ARHGAP5: variants seen among roughly 807,000 people sequenced by gnomAD.
The protein encoded by ARHGAP5 is Rho GTPase activating protein 5.
ARHGAP5 carries 23 observed loss-of-function variants against 116.6 expected under a neutral mutation model. The ratio of observed to expected loss-of-function variants is 0.20; its 90% CI spans 0.14 to 0.28. The LOEUF (loss-of-function observed/expected upper bound fraction) is 0.28, where lower values mean the gene tolerates loss of function less well. ARHGAP5 is among the 10% of genes least tolerant of loss of function. ARHGAP5 has a pLI of 1.00. For synonymous variants in ARHGAP5, 574 were observed against 602.0 expected (o/e 0.95, Z 0.68); for missense variants, 1,405 against 1,774.8 (o/e 0.79, Z 3.74).
intron 3 of ARHGAP5, among the ~76,000 whole-genome samples, chr14:32,143,207 T>C (rs1467818602): frequency 3.0e-5 from 4 of 134,340 alleles, no homozygotes; most frequent in African/African-American, 1.3e-4. Context: ...ATTTTAGTTG[T>C]TGTTGTTGTT....
intron 2 of ARHGAP5, among the ~76,000 whole-genome samples, chr14:32,106,490 T>G (rs570263842): frequency 6.6e-6 from 1 of 152,322 alleles, no homozygotes; most frequent in Admixed American, 6.5e-5. Context: ...CACCAATATT[T>G]GTGGTGCAGC....
intron 1 of ARHGAP5, among the ~76,000 whole-genome samples, chr14:32,085,295 T>G (rs1197090559): frequency 6.6e-6 from 1 of 151,928 alleles, no homozygotes; most frequent in African/African-American, 2.4e-5. Flanking sequence ...AAATAATTTT[T>G]AAATATTAGC....
intron 3 of ARHGAP5, among the ~76,000 whole-genome samples, chr14:32,145,583 C>A (rs781713703): frequency 7.9e-5 from 12 of 152,104 alleles, no homozygotes; most frequent in African/African-American, 2.4e-4. Flanking sequence ...CCTCTGCCTG[C>A]CCCCTCAAAA....
chr14:32,134,761 GTTTGTCT>G (rs1419849600), intron 3 of ARHGAP5, among the ~76,000 whole-genome samples: 1 of 152,126 alleles, frequency 6.6e-6, no homozygotes, highest in Non-Finnish European at 1.5e-5. Context: ...GTCTTCATGT[GTTTGTCT>G]TTTGCTTATC....
intron 2 of ARHGAP5, among the ~76,000 whole-genome samples, chr14:32,101,394 T>A (rs1878782775): frequency 1.3e-5 from 2 of 152,232 alleles, no homozygotes; most frequent in Admixed American, 1.3e-4. Flanking sequence ...ATTAATATAG[T>A]AAATCTTAGG....
chr14:32,152,687 G>T (rs965056237), intron 6 of ARHGAP5, among the ~76,000 whole-genome samples, 159 bp downstream of exon 6: 1 of 152,154 alleles, frequency 6.6e-6, no homozygotes, highest in Non-Finnish European at 1.5e-5. Context: ...AAAGATATAT[G>T]ATTAGTTTTG....
At chr14:32,118,342 C>T (rs1212573791) in intron 3 of ARHGAP5, among the ~76,000 whole-genome samples, 3 of 151,836 alleles carry the variant, frequency 2.0e-5, no homozygotes, top group Non-Finnish European at 2.9e-5. Flanking sequence ...ACTAAAAATA[C>T]AAAAATTATC....
Position 32,094,112 on chromosome 14 carries a change from G to A in ARHGAP5, c.3443G>A (p.Arg1148Gln), listed in dbSNP as rs374422184. ...SDRTSKSHGE[R>Q]RPSKYKYKSK... ...AGAACCTCAAAAAGTCATGGGGAAC[G>A]GAGGCCTTCAAAATACAAATATAAA... The change falls in exon 2 of 7, where the codon CGG becomes CAG. Residue 1148 changes from arginine to glutamine, a missense_variant. Physicochemically the swap from Arg to Gln is conservative, Grantham distance 43. Transcript: ENST00000345122. 2.8e-5 allele frequency: 45 copies of A among 1,613,906 alleles called. No homozygotes were observed. Among genetic ancestry groups the A allele is most frequent in the Non-Finnish European group, 3.5e-5 (41 of 1,180,002 alleles).
intron 4 of ARHGAP5, among the ~76,000 whole-genome samples, chr14:32,147,069 G>A (rs1048454197): frequency 1.2e-4 from 18 of 151,994 alleles, no homozygotes; most frequent in African/African-American, 3.4e-4. Context: ...ATGATTGATC[G>A]GCATCTTAGC....
At chr14:32,105,290 C>T (rs1642578758) in intron 2 of ARHGAP5, among the ~76,000 whole-genome samples, 1 of 152,124 alleles carries the variant, frequency 6.6e-6, no homozygotes, top group Non-Finnish European at 1.5e-5. Context: ...TGGGCCAGAG[C>T]TACATGCTAT....
intron 2 of ARHGAP5, among the ~76,000 whole-genome samples, chr14:32,100,150 G>T (rs1878724576): frequency 6.6e-6 from 1 of 152,166 alleles, no homozygotes; most frequent in Non-Finnish European, 1.5e-5. Flanking sequence ...ACAAACTGCA[G>T]ATTGAAAATA....
chr14:32,150,384 T>TG, intron 5 of ARHGAP5, among the ~76,000 whole-genome samples: 1 of 152,236 alleles, frequency 6.6e-6, no homozygotes, highest in Non-Finnish European at 1.5e-5. Context: ...ACTTTGGCTT[T>TG]GTCTTACCTG....
chr14:32,131,462 A>C (rs1353849864), intron 3 of ARHGAP5, among the ~76,000 whole-genome samples: 2 of 152,166 alleles, frequency 1.3e-5, no homozygotes, highest in Non-Finnish European at 2.9e-5. Context: ...GAACTTTTGC[A>C]TTTGGAAAAA....
intron 1 of ARHGAP5, among the ~76,000 whole-genome samples, chr14:32,084,986 G>A (rs1244170332): frequency 6.6e-6 from 1 of 151,500 alleles, no homozygotes; most frequent in African/African-American, 2.4e-5. Flanking sequence ...TCTAGAATGG[G>A]TGACAGTGAC....
At position 32,131,278 on chromosome 14, in the gene ARHGAP5, CTTTAT is replaced by C. The variant is rs1363076413; in HGVS notation, c.3865+14005_3865+14009del. Among the ~76,000 whole-genome samples, 449 of 111,388 alleles carry C rather than the reference CTTTAT, an allele frequency of 4.0e-3. 1 individual carries two copies. The highest frequency in any genetic ancestry group is 0.013 in the African/African-American group (379 of 29,918). The allele number at this position is 111,388 out of a possible 152,430, so 73.1% of individuals were successfully genotyped here. A position where few individuals can be genotyped will look rare whatever the true frequency, so the allele number is the denominator to read the frequency against. ...TTTTTTTTTTTTTTTTTAGGTTTGT[CTTTAT>C]TTTATTTTATTTTTGCATTTCTAAG... On this transcript the variant is annotated intron_variant, in intron 3 of 6. Coordinates refer to ENST00000345122, the MANE Select transcript of ARHGAP5 (RefSeq NM_001030055.2).
chr14:32,091,252 A>G lies in ARHGAP5; in HGVS notation c.583A>G (p.Ile195Val). The change falls in exon 2 of 7, where the codon ATA becomes GTA. Residue 195 changes from isoleucine to valine, a missense_variant. This residue lies in a region of ARHGAP5 where 190 missense variants were observed against 314.9 expected (regional missense o/e 0.60). Coordinates refer to ENST00000345122, the MANE Select transcript of ARHGAP5 (RefSeq NM_001030055.2). Reference sequence around the variant, plus strand: ...GTTATCAAAATCAAAAAAACCTGTAATAATAGCAGCAACTAAATGTGATGA... The same window carrying G: ...GTTATCAAAATCAAAAAAACCTGTAGTAATAGCAGCAACTAAATGTGATGA... ...VQLSKSKKPV[I>V]IAATKCDECV... 8 of 1,612,454 alleles carry G rather than the reference A, an allele frequency of 5.0e-6. No homozygotes were observed. The highest frequency in any genetic ancestry group is 6.8e-6 in the Non-Finnish European group (8 of 1,179,258).
At chr14:32,087,191 T>C (rs1307747618) in intron 1 of ARHGAP5, among the ~76,000 whole-genome samples, 1 of 151,772 alleles carries the variant, frequency 6.6e-6, no homozygotes, top group Non-Finnish European at 1.5e-5. Context: ...AAAAAAACAA[T>C]AAATTTTTTT....
In ARHGAP5 at chr14:32,091,403, T is replaced by C. The variant is rs1347838515; in HGVS notation, c.734T>C (p.Met245Thr). The C allele has an allele frequency of 6.2e-7, 1 of 1,611,012 alleles. No individual in the cohort carries two copies. The highest frequency in any genetic ancestry group is 8.5e-7 in the Non-Finnish European group (1 of 1,178,612). The change falls in exon 2 of 7, where the codon ATG (methionine) becomes ACG (threonine). Residue 245 changes from methionine to threonine, a missense_variant. Transcript: ENST00000345122. ...ACATGTTTTACTGCACTGGTACAAA[T>C]GTTGGATAAAACTCGTAGCAAGCCT... is the stretch of plus-strand genomic sequence containing the variant. ...IETCFTALVQ[M>T]LDKTRSKPKI...
At chr14:32,082,934 TCTAGA>T (rs2041792594) in intron 1 of ARHGAP5, among the ~76,000 whole-genome samples, 1 of 152,390 alleles carries the variant, frequency 6.6e-6, no homozygotes, top group South Asian at 2.1e-4. Flanking sequence ...GTATTCCTCC[TCTAGA>T]CTAATCTGTA....
Sources: gnomAD v4.1 joint callset for allele counts (sites outside exome capture counted in the v4.1 genomes callset) on GRCh38, gnomAD v4.1.1 for gene constraint, gnomAD v4.1.1 regional missense constraint, MANE v1.5 for transcripts, NCBI Gene and HGNC (gene_info 2026-07-23, HGNC 2026-07-21) for gene names.